The following ANXA1 variants were observed in gnomAD, a reference collection of about 807,000 sequenced individuals.
ANXA1 encodes the protein annexin A1, also known as annexin I (lipocortin I).
A neutral mutation model predicts 47.9 loss-of-function variants in ANXA1; 39 were observed. That is an observed-to-expected ratio of 0.81 (90% CI 0.63 to 1.06). The LOEUF is 1.06. Among genes scored for constraint, ANXA1 ranks in the 50% least tolerant of loss-of-function variants. ANXA1 has a pLI of 0.00. For synonymous variants in ANXA1, 146 were observed against 142.5 expected (o/e 1.02, Z -0.17); for missense variants, 446 against 422.7 (o/e 1.06, Z -0.48).
At chr9:73,152,814 A>G (rs561419513) in intron 1 of ANXA1, among the ~76,000 whole-genome samples, 1 of 152,324 alleles carries the variant, frequency 6.6e-6, no homozygotes, top group African/African-American at 2.4e-5. Flanking sequence ...ATTACAAATC[A>G]TGTATCTGGC....
chr9:73,157,423 G>A (rs1033667513), intron 1 of ANXA1, among the ~76,000 whole-genome samples: 3 of 151,944 alleles, frequency 2.0e-5, no homozygotes, highest in South Asian at 4.2e-4. Context: ...GGAGGCCGAG[G>A]CGGGCAGATC....
intron 9 of ANXA1, 85 bp from the exon 10 acceptor site, chr9:73,166,012 C>A (rs1824222970): frequency 4.1e-6 from 4 of 981,122 alleles, no homozygotes; most frequent in Non-Finnish European, 6.0e-6. Context: ...CTAAAAAATT[C>A]TTTGAGTCAG....
In ANXA1 at chr9:73,167,494, C is replaced by T. The variant is rs765559979; in HGVS notation, c.803-3C>T. On this transcript the variant is annotated splice_region_variant and splice_polypyrimidine_tract_variant and intron_variant, in intron 10 of 12. Coordinates refer to ENST00000257497, the MANE Select transcript of ANXA1 (RefSeq NM_000700.3). Reference sequence around the variant, plus strand: ...CATCAACTAAAATTTTCTTCTCTAACAGTGAAGTGCGCCACAAGCAAACCA... The same window carrying T: ...CATCAACTAAAATTTTCTTCTCTAATAGTGAAGTGCGCCACAAGCAAACCA... 1 of 1,612,624 alleles carries T rather than the reference C, an allele frequency of 6.2e-7. No homozygotes were observed. The highest frequency in any genetic ancestry group is 1.3e-5 in the African/African-American group (1 of 74,940).
chr9:73,160,551 T>A (rs1431573546), intron 5 of ANXA1, among the ~76,000 whole-genome samples, 175 bp downstream of exon 5: 1 of 152,168 alleles, frequency 6.6e-6, no homozygotes, highest in Admixed American at 6.6e-5. Flanking sequence ...AACAGAAATG[T>A]TGGCACTAAC....
chr9:73,159,794 G>A (rs1007942155), intron 4 of ANXA1: 6 of 160,768 alleles, frequency 3.7e-5, no homozygotes, highest in African/African-American at 9.6e-5. Context: ...TTAAAAATAA[G>A]CCTTATGTCT....
chr9:73,168,875 T>A (rs1410818422), intron 11 of ANXA1, 157 bp from the exon 12 acceptor site: 6 of 338,706 alleles, frequency 1.8e-5, no homozygotes, highest in Non-Finnish European at 2.5e-5. Context: ...TTACCATTCG[T>A]GTAAGGTGTG....
At chr9:73,155,971 A>G (rs1824039410) in intron 1 of ANXA1, among the ~76,000 whole-genome samples, 1 of 150,622 alleles carries the variant, frequency 6.6e-6, no homozygotes, top group Non-Finnish European at 1.5e-5. Flanking sequence ...AGTAAAAAAA[A>G]AACAGTACAG....
chr9:73,165,961 T>C, intron 9 of ANXA1, 136 bp from the exon 10 acceptor site: 1 of 586,664 alleles, frequency 1.7e-6, no homozygotes, highest in South Asian at 2.2e-5. Flanking sequence ...TTATGATTAA[T>C]TGGGTATATT....
Position 73,159,309 on chromosome 9 carries a change from T to C in ANXA1, c.176-20T>C, listed in dbSNP as rs769562342. The C allele has an allele frequency of 6.2e-7, 1 of 1,601,040 alleles. No homozygotes were observed. The highest frequency in any genetic ancestry group is 1.7e-5 in the Admixed American group (1 of 59,942). On this transcript the variant is annotated intron_variant, in intron 3 of 12. Transcript: ENST00000257497. ...GATGAAGAAAATTGGTGTTAAAGGC[T>C]GTTGGCCCTTTATTTCCAGGTGTGG... is the stretch of plus-strand genomic sequence containing the variant.
chr9:73,169,290 A>T, intron 12 of ANXA1, 136 bp downstream of exon 12: 3 of 952,742 alleles, frequency 3.1e-6, no homozygotes, highest in Non-Finnish European at 4.3e-6. Flanking sequence ...TGTATACTTC[A>T]TGAGTAAATT....
At position 73,158,520 on chromosome 9, in the gene ANXA1, A is replaced by C. The variant is rs1293123619; in HGVS notation, c.-14-2A>C. On this transcript the variant is annotated splice_acceptor_variant, in intron 1 of 12. Transcript: ENST00000257497. LOFTEE classifies it low-confidence loss of function (5UTR_SPLICE). Reference sequence around the variant, plus strand: ...AAAAGCATCTAACTGTTTTCTTTCCAGACACTTTTTCAAAAATGGCAATGG... The same window carrying C: ...AAAAGCATCTAACTGTTTTCTTTCCCGACACTTTTTCAAAAATGGCAATGG... 1.9e-5 allele frequency: 31 copies of C among 1,612,790 alleles called. No individual in the cohort carries two copies. Among genetic ancestry groups the C allele is most frequent in the Non-Finnish European group, 2.5e-5 (30 of 1,179,342 alleles).
chr9:73,168,892 T>C, intron 11 of ANXA1, 140 bp from the exon 12 acceptor site: 1 of 635,834 alleles, frequency 1.6e-6, no homozygotes, highest in East Asian at 2.8e-5. Context: ...TGTGTGTGTG[T>C]GTGTGTGTGT....
intron 10 of ANXA1, 26 bp from the exon 11 acceptor site, chr9:73,167,471 T>A: frequency 6.2e-7 from 1 of 1,604,208 alleles, no homozygotes. Context: ...GGTAAATACA[T>A]CAACTAAAAT....
chr9:73,152,733 C>T (rs1303105897), intron 1 of ANXA1, among the ~76,000 whole-genome samples: 3 of 152,170 alleles, frequency 2.0e-5, no homozygotes, highest in South Asian at 2.1e-4. Context: ...GGCCATAAAA[C>T]TCCTTAGAAA....
At chr9:73,168,880 G>GGT (rs3832643) in intron 11 of ANXA1, 152 bp from the exon 12 acceptor site, 48,981 of 399,898 alleles carry the variant, frequency 0.12, 1,720 homozygotes, top group East Asian at 0.26. Flanking sequence ...ATTCGTGTAA[G>GGT]GTGTGTGTGT....
chr9:73,163,855 AT>A (rs1299213552), intron 8 of ANXA1, among the ~76,000 whole-genome samples: 1 of 152,124 alleles, frequency 6.6e-6, no homozygotes, highest in Non-Finnish European at 1.5e-5. Context: ...GGGAAATGTA[AT>A]TTTTTTATTA....
Position 73,166,125 on chromosome 9 carries a change from G to T in ANXA1, c.735G>T (p.Lys245Asn). ...TTCAGAAATACACCAAGTACAGTAAGCATGACATGAACAAAGTTCTGGACC... is the reference window on the plus strand; with the variant it reads ...TTCAGAAATACACCAAGTACAGTAATCATGACATGAACAAAGTTCTGGACC... ...RVFQKYTKYS[K>N]HDMNKVLDLE... The change falls in exon 10 of 13, where the codon AAG becomes AAT. Residue 245 changes from lysine (K) to asparagine (N), a missense_variant. Lys to Asn is a moderately conservative substitution (Grantham distance 94). Transcript: ENST00000257497. The T allele has an allele frequency of 6.2e-7, 1 of 1,612,138 alleles. No individual in the cohort carries two copies. Among genetic ancestry groups the T allele is most frequent in the South Asian group, 1.1e-5 (1 of 90,920 alleles).
intron 1 of ANXA1, chr9:73,154,379 T>C: frequency 7.3e-7 from 1 of 1,361,916 alleles, no homozygotes; most frequent in Non-Finnish European, 9.8e-7. Context: ...TGTCATTTTC[T>C]TTTTGGTCAC....
intron 10 of ANXA1, among the ~76,000 whole-genome samples, chr9:73,167,009 C>T (rs1824242680): frequency 1.3e-5 from 2 of 152,050 alleles, no homozygotes; most frequent in South Asian, 4.1e-4. Context: ...TACATGTGCA[C>T]GTTTGTTCCA....
Sources: allele counts gnomAD v4.1 joint callset (sites outside exome capture counted in the v4.1 genomes callset), GRCh38; gene constraint gnomAD v4.1.1; transcripts MANE v1.5; gene names NCBI Gene and HGNC (gene_info 2026-07-23, HGNC 2026-07-21).